The following LIMA1 variants were observed in gnomAD, a reference collection of about 807,000 sequenced individuals.
LIMA1 encodes LIM domain and actin binding 1.
A neutral mutation model predicts 62.6 loss-of-function variants in LIMA1; 52 were observed. That is an observed-to-expected ratio of 0.83 (90% CI 0.67 to 1.05). The LOEUF (loss-of-function observed/expected upper bound fraction) is 1.05, where lower values mean the gene tolerates loss of function less well. Among genes scored for constraint, LIMA1 ranks in the 50% least tolerant of loss-of-function variants. LIMA1 has a pLI of 0.00. For synonymous variants in LIMA1, 302 were observed against 317.8 expected (o/e 0.95, Z 0.53); for missense variants, 780 against 902.2 (o/e 0.86, Z 1.74).
At chr12:50,235,271 C>G (rs919646730) in intron 2 of LIMA1, among the ~76,000 whole-genome samples, 2 of 145,836 alleles carry the variant, frequency 1.4e-5, no homozygotes, top group Non-Finnish European at 3.0e-5. Context: ...CCAATCCTAT[C>G]ACTTTTTTTT....
chr12:50,248,669 T>C lies in LIMA1; in HGVS notation c.83A>G (p.Lys28Arg). 1 of 1,613,610 alleles carries C rather than the reference T, an allele frequency of 6.2e-7. No homozygotes were observed. The highest frequency in any genetic ancestry group is 1.1e-5 in the South Asian group (1 of 91,076). ...VTAKELSLVN[K>R]NKSSAIVEIF... is the part of the protein sequence containing the mutation. Reference sequence around the variant, plus strand: ...TTCCACAATAGCCGATGACTTGTTCTTGTTGACAAGAGAAAGTTCTTTGGC... The same window carrying C: ...TTCCACAATAGCCGATGACTTGTTCCTGTTGACAAGAGAAAGTTCTTTGGC... Residue 28 changes from lysine (K) to arginine (R), a missense_variant, in exon 2 of 11, where the codon AAG (lysine) becomes AGG (arginine). Physicochemically the swap from Lys to Arg is conservative, Grantham distance 26 (BLOSUM62 2). Coordinates refer to ENST00000341247, the MANE Select transcript of LIMA1 (RefSeq NM_016357.5).
intron 1 of LIMA1, among the ~76,000 whole-genome samples, chr12:50,263,859 A>ACG (rs1565863068): frequency 1.3e-5 from 1 of 74,884 alleles, no homozygotes; most frequent in African/African-American, 4.7e-5. Context: ...TATAGAGAGT[A>ACG]TATATATATA....
At chr12:50,206,897 T>C (rs1268366884) in intron 4 of LIMA1, among the ~76,000 whole-genome samples, 1 of 152,144 alleles carries the variant, frequency 6.6e-6, no homozygotes, top group African/African-American at 2.4e-5. Flanking sequence ...TGTCCATATA[T>C]TTCCAGGACT....
chr12:50,250,058 G>A (rs1941906751), intron 1 of LIMA1, among the ~76,000 whole-genome samples: 1 of 151,900 alleles, frequency 6.6e-6, no homozygotes, highest in South Asian at 2.1e-4. Flanking sequence ...TTGGGAGGCC[G>A]AGGTGGGTGG....
At chr12:50,217,828 T>C (rs1411843151) in intron 4 of LIMA1, 1 of 265,958 alleles carries the variant, frequency 3.8e-6, no homozygotes, top group Non-Finnish European at 7.5e-6. Context: ...CACAGGCATC[T>C]AGGACGCTCA....
intron 4 of LIMA1, chr12:50,220,503 C>T (rs1941422830): frequency 6.6e-6 from 1 of 152,274 alleles, no homozygotes; most frequent in Non-Finnish European, 1.5e-5. Context: ...TTGTCTGCTA[C>T]AGTCCCAGTC....
At chr12:50,191,069 A>G (rs558091813) in intron 9 of LIMA1, among the ~76,000 whole-genome samples, 1 of 144,252 alleles carries the variant, frequency 6.9e-6, no homozygotes, top group Non-Finnish European at 1.5e-5. Context: ...TGACCACACC[A>G]CTGCACTCCA....
chr12:50,201,507 G>A (rs1941050111), intron 6 of LIMA1: 4 of 983,850 alleles, frequency 4.1e-6, no homozygotes, highest in Non-Finnish European at 4.8e-6. Flanking sequence ...AAAAGAACAT[G>A]CATTTTATTG....
chr12:50,185,792 T>C (rs1940618209), intron 9 of LIMA1: 2 of 226,760 alleles, frequency 8.8e-6, no homozygotes, highest in Non-Finnish European at 1.8e-5. Flanking sequence ...GCAAAAAGTC[T>C]GTCTTCCTCC....
intron 9 of LIMA1, chr12:50,186,805 C>T (rs1486246918): frequency 6.6e-6 from 1 of 152,278 alleles, no homozygotes; most frequent in East Asian, 1.9e-4. Flanking sequence ...TCAGCTCCCT[C>T]AGCCTTTGTG....
intron 1 of LIMA1, among the ~76,000 whole-genome samples, chr12:50,257,113 G>A (rs1325623891): frequency 6.6e-6 from 1 of 151,982 alleles, no homozygotes; most frequent in Non-Finnish European, 1.5e-5. Context: ...AGCATTCATG[G>A]GTGTGTCTTG....
chr12:50,237,688 G>C (rs984889608), intron 2 of LIMA1, among the ~76,000 whole-genome samples: 1 of 152,044 alleles, frequency 6.6e-6, no homozygotes, highest in Non-Finnish European at 1.5e-5. Context: ...GTTATATACT[G>C]TGTATTTTAC....
At chr12:50,280,144 A>ATTTTTTTTTTTTTTTTTTTTT (rs71441354) in intron 1 of LIMA1, among the ~76,000 whole-genome samples, 9 of 68,310 alleles carry the variant, frequency 1.3e-4, no homozygotes, top group African/African-American at 5.4e-4. Flanking sequence ...GGGTAGTAGT[A>ATTTTTTTTTTTTTTTTTTTTT]TTTTTTTTTT....
At chr12:50,186,431 G>A (rs1252057656) in intron 9 of LIMA1, 1 of 152,490 alleles carries the variant, frequency 6.6e-6, no homozygotes, top group East Asian at 1.9e-4. Context: ...CCATCTTGGA[G>A]TGAAACCACC....
intron 9 of LIMA1, chr12:50,185,761 T>C: frequency 3.7e-6 from 1 of 267,082 alleles, no homozygotes; most frequent in Non-Finnish European, 7.5e-6. Flanking sequence ...CTCTCTTTAA[T>C]AGAGCCTTCA....
chr12:50,269,606 A>G (rs1942179330), intron 1 of LIMA1, among the ~76,000 whole-genome samples: 1 of 152,186 alleles, frequency 6.6e-6, no homozygotes, highest in Admixed American at 6.5e-5. Flanking sequence ...CTAAATCGGT[A>G]AAAGTTATCT....
At chr12:50,220,751 A>G (rs2138551014) in intron 4 of LIMA1, among the ~76,000 whole-genome samples, 1 of 152,318 alleles carries the variant, frequency 6.6e-6, no homozygotes, top group East Asian at 1.9e-4. Context: ...AATTAAAACC[A>G]TAAAGGGGAA....
intron 3 of LIMA1, 39 bp downstream of exon 3, chr12:50,231,626 C>T: frequency 6.2e-7 from 1 of 1,605,146 alleles, no homozygotes; most frequent in South Asian, 1.1e-5. Context: ...CAATTCTGCT[C>T]AAGAAGTGCC....
intron 1 of LIMA1, among the ~76,000 whole-genome samples, chr12:50,264,874 C>T (rs2138681515): frequency 6.6e-6 from 1 of 152,232 alleles, no homozygotes; most frequent in East Asian, 1.9e-4. Flanking sequence ...AATTCATGGC[C>T]AGGCACAGTG....
Sources: allele counts gnomAD v4.1 joint callset (sites outside exome capture counted in the v4.1 genomes callset), GRCh38; gene constraint gnomAD v4.1.1; transcripts MANE v1.5; gene names NCBI Gene and HGNC (gene_info 2026-07-23, HGNC 2026-07-21).